Variants in CCDC3 observed in about 807,000 individuals in gnomAD.
CCDC3 encodes the protein coiled-coil domain containing 3, also known as coiled-coil domain-containing protein 3.
Under a neutral mutation model 21.4 loss-of-function variants are expected in CCDC3, and 24 were observed. The ratio of observed to expected loss-of-function variants is 1.12; its 90% CI spans 0.81 to 1.58. The LOEUF is 1.58. Ranked by LOEUF, CCDC3 falls within the 40% of genes most tolerant of loss-of-function variation. The pLI, the probability that CCDC3 is intolerant of heterozygous loss-of-function variation, is 0.00. For synonymous variants in CCDC3, 186 were observed against 166.0 expected (o/e 1.12, Z -0.93); for missense variants, 425 against 360.9 (o/e 1.18, Z -1.44).
chr10:13,073,072 G>A (rs776433116), intron 4 of CCDC3, among the ~76,000 whole-genome samples: 3 of 151,910 alleles, frequency 2.0e-5, no homozygotes, highest in Non-Finnish European at 4.4e-5. Flanking sequence ...CACCATGTTG[G>A]TCAGGCTGGT....
chr10:12,919,366 G>C (rs550083620), intron 2 of CCDC3, among the ~76,000 whole-genome samples: 9 of 152,260 alleles, frequency 5.9e-5, no homozygotes, highest in African/African-American at 2.2e-4. Context: ...GAGGCCGGCG[G>C]ATCACTTGAG....
chr10:13,076,526 A>C (rs1347010618), intron 3 of CCDC3, among the ~76,000 whole-genome samples: 1 of 152,244 alleles, frequency 6.6e-6, no homozygotes, highest in African/African-American at 2.4e-5. Context: ...AAGTGTTAGA[A>C]GTAATAGTTC....
At chr10:12,988,162 G>A (rs948321646) in intron 2 of CCDC3, among the ~76,000 whole-genome samples, 1 of 151,986 alleles carries the variant, frequency 6.6e-6, no homozygotes, top group Non-Finnish European at 1.5e-5. Flanking sequence ...TCTCCCCACC[G>A]CCAATGCTCA....
At chr10:13,036,638 C>G (rs1219774782) in intron 5 of CCDC3, among the ~76,000 whole-genome samples, 1 of 152,140 alleles carries the variant, frequency 6.6e-6, no homozygotes, top group Non-Finnish European at 1.5e-5. Flanking sequence ...GTGCACGCCA[C>G]CATGCCCAGC....
At chr10:12,987,359 G>A (rs1382373137) in intron 2 of CCDC3, among the ~76,000 whole-genome samples, 1 of 152,172 alleles carries the variant, frequency 6.6e-6, no homozygotes, top group Non-Finnish European at 1.5e-5. Context: ...CCATCTGCCT[G>A]GAGATCTTAT....
In CCDC3 at chr10:13,098,208, C is replaced by T. The variant is rs901600283; in HGVS notation, c.-503+317G>A. Among the ~76,000 whole-genome samples, 7 of 152,092 alleles carry T rather than the reference C, an allele frequency of 4.6e-5. No individual in the cohort carries two copies. In the East Asian group the frequency reaches 5.8e-4, roughly 13 times the overall value. ...TGCTTTCTGTACCAGAAACTCACCTCGAGCCTCCCACACCAAAGCCATGGG... is the reference window on the plus strand; with the variant it reads ...TGCTTTCTGTACCAGAAACTCACCTTGAGCCTCCCACACCAAAGCCATGGG... On this transcript the variant is annotated intron_variant, in intron 3 of 6. Transcript: ENST00000378839.
At chr10:12,951,351 C>G (rs1280678676) in intron 2 of CCDC3, among the ~76,000 whole-genome samples, 2 of 151,860 alleles carry the variant, frequency 1.3e-5, no homozygotes, top group Non-Finnish European at 2.9e-5. Flanking sequence ...GTGAGACTGT[C>G]TCAAAAAAAA....
chr10:13,072,863 CTTTCT>C (rs776088605), intron 4 of CCDC3, among the ~76,000 whole-genome samples: 1 of 65,684 alleles, frequency 1.5e-5, no homozygotes, highest in African/African-American at 4.3e-5. Context: ...CTTTTCTTTT[CTTTCT>C]TTTTTTTTTT....
intron 2 of CCDC3, among the ~76,000 whole-genome samples, chr10:12,983,258 T>C (rs1835535000): frequency 6.7e-6 from 1 of 149,698 alleles, no homozygotes; most frequent in Non-Finnish European, 1.5e-5. Flanking sequence ...CTCTAATCCA[T>C]CTTAACACTG....
At chr10:12,958,397 T>A (rs771572091) in intron 2 of CCDC3, among the ~76,000 whole-genome samples, 1 of 152,052 alleles carries the variant, frequency 6.6e-6, no homozygotes, top group African/African-American at 2.4e-5. Flanking sequence ...GAGCCACAAA[T>A]GACCAATCCC....
At chr10:12,934,692 A>G (rs1393908244) in intron 2 of CCDC3, among the ~76,000 whole-genome samples, 1 of 152,196 alleles carries the variant, frequency 6.6e-6, no homozygotes, top group East Asian at 1.9e-4. Context: ...TTATTACATA[A>G]TGGCCCTCTT....
intron 3 of CCDC3, among the ~76,000 whole-genome samples, chr10:13,088,728 T>A (rs575383598): frequency 4.4e-4 from 67 of 152,206 alleles, no homozygotes; most frequent in Middle Eastern, 3.4e-3. Context: ...TTTTAAAAAA[T>A]TAACTGAATA....
intron 2 of CCDC3, among the ~76,000 whole-genome samples, chr10:12,925,287 A>G (rs1462982907): frequency 6.6e-6 from 1 of 152,178 alleles, no homozygotes; most frequent in African/African-American, 2.4e-5. Flanking sequence ...AAGGTCCCCA[A>G]ACTGGGTTGT....
At chr10:12,971,362 T>C (rs544293446) in intron 2 of CCDC3, among the ~76,000 whole-genome samples, 1 of 152,344 alleles carries the variant, frequency 6.6e-6, no homozygotes, top group East Asian at 1.9e-4. Context: ...TCCTGCAGAT[T>C]GGCCACAAAT....
At chr10:12,944,977 T>C (rs533904070) in intron 2 of CCDC3, among the ~76,000 whole-genome samples, 1 of 152,286 alleles carries the variant, frequency 6.6e-6, no homozygotes, top group African/African-American at 2.4e-5. Context: ...CAAACAACAA[T>C]TTCATTCTCA....
At chr10:13,045,724 C>T in intron 5 of CCDC3, among the ~76,000 whole-genome samples, 1 of 152,148 alleles carries the variant, frequency 6.6e-6, no homozygotes, top group African/African-American at 2.4e-5. Flanking sequence ...GGGTCCTCAT[C>T]AACATTTTTC....
intron 2 of CCDC3, among the ~76,000 whole-genome samples, chr10:12,963,683 T>C (rs1027905503): frequency 6.7e-6 from 1 of 150,002 alleles, no homozygotes; most frequent in African/African-American, 2.5e-5. Context: ...CGGATTCAAG[T>C]GATCCTCCGC....
intron 5 of CCDC3, among the ~76,000 whole-genome samples, chr10:13,025,094 C>G (rs1264417162): frequency 2.0e-5 from 3 of 152,174 alleles, no homozygotes; most frequent in African/African-American, 2.4e-5. Flanking sequence ...TCTTCCAATT[C>G]TGTGGGTTGA....
chr10:12,911,369 CA>C lies in CCDC3; in HGVS notation c.550-12691del. On this transcript the variant is annotated intron_variant, in intron 2 of 2. Transcript: ENST00000378825. ...ACACACAGTAAGTCCTCAACAGAGT[CA>C]CTGCTGAATGAAATAACACATTCTA... Among the ~76,000 whole-genome samples the C allele has an allele frequency of 1.3e-5, 2 of 152,312 alleles. 1 individual carries two copies. The highest frequency in any genetic ancestry group is 6.8e-3 in the Middle Eastern group (2 of 294).
Sources: allele counts gnomAD v4.1 joint callset (sites outside exome capture counted in the v4.1 genomes callset), GRCh38; gene constraint gnomAD v4.1.1; transcripts MANE v1.5; gene names NCBI Gene and HGNC (gene_info 2026-07-23, HGNC 2026-07-21).